The following HSPA12B variants were observed in gnomAD, a reference collection of about 807,000 sequenced individuals.
HSPA12B encodes heat shock 70 kDa protein 12B.
HSPA12B carries 54 observed loss-of-function variants against 69.3 expected under a neutral mutation model. That is an observed-to-expected ratio of 0.78 (90% CI 0.63 to 0.98). The LOEUF is 0.98. Among genes scored for constraint, HSPA12B ranks in the 50% least tolerant of loss-of-function variants. HSPA12B has a pLI of 0.00. For synonymous variants in HSPA12B, 441 were observed against 436.5 expected (o/e 1.01, Z -0.13); for missense variants, 929 against 999.8 (o/e 0.93, Z 0.96).
Position 3,748,313 on chromosome 20 carries a change from C to T in HSPA12B, c.772C>T (p.Leu258Phe). 1.2e-6 allele frequency: 2 copies of T among 1,611,840 alleles called. No individual in the cohort carries two copies. Among genetic ancestry groups the T allele is most frequent in the Non-Finnish European group, 8.5e-7 (1 of 1,179,100 alleles). Residue 258 changes from leucine (L) to phenylalanine (F), a missense_variant, in exon 8 of 13, where the codon CTC (leucine) becomes TTC (phenylalanine). By Grantham distance (22) the Leu-to-Phe change is conservative. Coordinates refer to ENST00000254963, the MANE Select transcript of HSPA12B (RefSeq NM_052970.5). ...CTGCCGCAAGCTGCGCCTGCACCAG[C>T]TCCTGGACCTGAGTGGCCGGGCCCC... ...VYCRKLRLHQ[L>F]LDLSGRAPGG...
chr20:3,734,808 T>C (rs1420892432), intron 1 of HSPA12B, among the ~76,000 whole-genome samples: 2 of 150,214 alleles, frequency 1.3e-5, no homozygotes, highest in African/African-American at 4.9e-5. Flanking sequence ...GGTGTGATCA[T>C]GACTTACTGC....
chr20:3,745,575 TCTTCAGGGAGCACGCC>T lies in HSPA12B; in HGVS notation c.544_558+1del, dbSNP rs1433104793. ...GAGGTGTTCGCCCATGCCCTGCGCT[TCTTCAGGGAGCACGCC>T]CTTCAGGTGCGCTGCGGCCCCACCT... On this transcript the variant is annotated frameshift_variant, in exon 6 of 13. Transcript: ENST00000254963. LOFTEE classifies it high-confidence loss of function. This position sits in a 1 kb window ranked among gnomAD's most constrained non-coding sequence, Gnocchi z 5.6. 1 of 1,613,986 alleles carries T rather than the reference TCTTCAGGGAGCACGCC, an allele frequency of 6.2e-7. No homozygotes were observed. Among genetic ancestry groups the T allele is most frequent in the Non-Finnish European group, 8.5e-7 (1 of 1,179,992 alleles).
chr20:3,751,831 C>T lies in HSPA12B; in HGVS notation c.1726C>T (p.Arg576Cys), dbSNP rs779510421. 3 of 1,535,618 alleles carry T rather than the reference C, an allele frequency of 2.0e-6. No individual in the cohort carries two copies. The highest frequency in any genetic ancestry group is 3.9e-5 in the Admixed American group (2 of 51,366). ...CCGCTGGTGCACCGACGTCTTCGAG[C>T]GCTTCGTGGCCGCCGAGCAGTCGGT... Reference protein sequence around the residue: ...GRRWCTDVFERFVAAEQSVAL... With the variant: ...GRRWCTDVFECFVAAEQSVAL... Residue 576 changes from arginine (R) to cysteine (C), a missense_variant, in exon 13 of 13, where the codon CGC becomes TGC. Arg to Cys is a radical substitution (Grantham distance 180, BLOSUM62 -3). Coordinates refer to ENST00000254963, the MANE Select transcript of HSPA12B (RefSeq NM_052970.5).
Position 3,751,709 on chromosome 20 carries a change from G to C in HSPA12B, c.1604G>C (p.Arg535Pro), listed in dbSNP as rs753944111. ...VLFGQAPGVV[R>P]VRRSPLTYGV... is the part of the protein sequence containing the mutation. ...TTCGGCCAGGCGCCGGGCGTGGTGC[G>C]GGTCCGCCGCTCGCCGCTCACCTAT... Residue 535 changes from arginine (R) to proline (P), a missense_variant, in exon 13 of 13, where the codon CGG becomes CCG. Around this residue, in one of 3 missense-constraint regions of HSPA12B, gnomAD observed 448 missense variants for 448.1 expected, o/e 1.00. Transcript: ENST00000254963. 5.4e-6 allele frequency: 8 copies of C among 1,484,564 alleles called. No homozygotes were observed. Among genetic ancestry groups the C allele is most frequent in the South Asian group, 3.8e-5 (3 of 77,968 alleles). The allele number at this position is 1,484,564 out of a possible 1,614,324, so 92.0% of individuals were successfully genotyped here. A position where few individuals can be genotyped will look rare whatever the true frequency, so the allele number is the denominator to read the frequency against.
In HSPA12B at chr20:3,751,496, CG is replaced by C; in HGVS notation, c.1406-14del. On this transcript the variant is annotated splice_polypyrimidine_tract_variant and intron_variant, in intron 12 of 12. Coordinates refer to ENST00000254963, the MANE Select transcript of HSPA12B (RefSeq NM_052970.5). The stretch of plus-strand genomic sequence containing the variant: ...TCTGCCCCCTTCACCCGCGTCCCCC[CG>C]TCCTGTCCCGCAGAGGCCCTGCTGG... 7.2e-7 allele frequency: 1 copy of C among 1,397,150 alleles called. No individual in the cohort carries two copies. 86.5% of individuals were successfully genotyped at this position (1,397,150 alleles called of 1,614,324 possible).
chr20:3,748,132 C>T, intron 7 of HSPA12B, 85 bp from the exon 8 acceptor site: 1 of 1,228,856 alleles, frequency 8.1e-7, no homozygotes, highest in Non-Finnish European at 1.1e-6. Flanking sequence ...GGGAGCCCCA[C>T]AGGCCGCGGT....
rs748465343 is a variant in HSPA12B, at chr20:3,742,269, G to A, written c.142-15G>A. 2 of 1,613,228 alleles carry A rather than the reference G, an allele frequency of 1.2e-6. No homozygotes were observed. The highest frequency in any genetic ancestry group is 2.2e-5 in the South Asian group (2 of 91,028). On this transcript the variant is annotated splice_polypyrimidine_tract_variant and intron_variant, in intron 3 of 12. Coordinates refer to ENST00000254963, the MANE Select transcript of HSPA12B (RefSeq NM_052970.5). ...CCTGCTGGCTGCTTGCTAATTCTAA[G>A]TCTTGCACTTGCAGAAACCCGAGGT...
rs2088346094 is a variant in HSPA12B, at chr20:3,748,346, G to A, written c.805G>A (p.Gly269Arg). ...CCTGAGTGGCCGGGCCCCAGGTGGT[G>A]GGCGCCTGGGTGAGCGCCGCTCCAT... ...LDLSGRAPGG[G>R]RLGERRSIDS... Residue 269 changes from glycine to arginine, a missense_variant, in exon 8 of 13, where the codon GGG becomes AGG. Coordinates refer to ENST00000254963, the MANE Select transcript of HSPA12B (RefSeq NM_052970.5). 1.2e-6 allele frequency: 2 copies of A among 1,609,338 alleles called. No individual in the cohort carries two copies. Among genetic ancestry groups the A allele is most frequent in the Non-Finnish European group, 1.7e-6 (2 of 1,178,146 alleles).
intron 11 of HSPA12B, 128 bp downstream of exon 11, chr20:3,750,355 AG>A (rs927117863): frequency 9.4e-7 from 1 of 1,059,728 alleles, no homozygotes; most frequent in East Asian, 2.7e-5. Context: ...CTAAGCCAGC[AG>A]GGCGTCGGGG....
At chr20:3,746,301 CTTTTTTTTT>C (rs11473544) in intron 7 of HSPA12B, among the ~76,000 whole-genome samples, 1 of 89,244 alleles carries the variant, frequency 1.1e-5, no homozygotes, top group African/African-American at 4.4e-5. Flanking sequence ...GATGGAGAGT[CTTTTTTTTT>C]TTTTTTTTTT....
At chr20:3,741,698 G>A (rs2088205535) in intron 3 of HSPA12B, among the ~76,000 whole-genome samples, 1 of 152,078 alleles carries the variant, frequency 6.6e-6, no homozygotes, top group South Asian at 2.1e-4. Flanking sequence ...AAGCTCCCTG[G>A]GTCACCCCAC....
chr20:3,738,332 G>A (rs1013472328), intron 1 of HSPA12B, among the ~76,000 whole-genome samples: 1 of 152,210 alleles, frequency 6.6e-6, no homozygotes, highest in Non-Finnish European at 1.5e-5. Context: ...CACAGAGCAG[G>A]CACCAGAAAA....
chr20:3,741,838 C>T (rs892619586), intron 3 of HSPA12B, among the ~76,000 whole-genome samples: 3 of 152,218 alleles, frequency 2.0e-5, no homozygotes, highest in African/African-American at 7.2e-5. Flanking sequence ...GCCACAGAAT[C>T]AGACAGTCTG....
intron 1 of HSPA12B, among the ~76,000 whole-genome samples, chr20:3,734,797 T>C (rs770946213): frequency 2.7e-5 from 4 of 148,214 alleles, no homozygotes; most frequent in African/African-American, 5.0e-5. Context: ...TGGAGTGCAG[T>C]GGTGTGATCA....
Position 3,749,733 on chromosome 20 carries a change from C to T in HSPA12B, c.938-17C>T, listed in dbSNP as rs374468553. The T allele has an allele frequency of 6.9e-5, 107 of 1,549,070 alleles. No homozygotes were observed. The highest frequency in any genetic ancestry group is 8.5e-5 in the Non-Finnish European group (98 of 1,149,138). On this transcript the variant is annotated splice_polypyrimidine_tract_variant and intron_variant, in intron 9 of 12. Transcript: ENST00000254963. This position sits in a 1 kb window ranked among gnomAD's most constrained non-coding sequence, Gnocchi z 5.5. ...GCGAGGCCGCCCACGAGTGTGTGCC[C>T]GCGCTCGCCGCCGCAGGAGACCGCT...
chr20:3,742,763 T>G (rs1171085819), intron 4 of HSPA12B, among the ~76,000 whole-genome samples: 1 of 151,684 alleles, frequency 6.6e-6, no homozygotes, highest in Non-Finnish European at 1.5e-5. Flanking sequence ...AAAGGCACGA[T>G]CTTAGCTCAT....
Position 3,749,337 on chromosome 20 carries a change from G to C in HSPA12B, c.937+19G>C. On this transcript the variant is annotated intron_variant, in intron 9 of 12. Coordinates refer to ENST00000254963, the MANE Select transcript of HSPA12B (RefSeq NM_052970.5). The surrounding 1 kb of genome is among the most constrained non-coding windows in gnomAD (Gnocchi z 5.5). ...CAAGCAGGTAGGGGGAAAGGGGGAC[G>C]GAGTGTTATCCTTGGCCCCTACCGG... 1 of 1,604,066 alleles carries C rather than the reference G, an allele frequency of 6.2e-7. No individual in the cohort carries two copies. The highest frequency in any genetic ancestry group is 1.1e-5 in the South Asian group (1 of 90,284).
chr20:3,747,307 G>A (rs2088323936), intron 7 of HSPA12B, among the ~76,000 whole-genome samples: 1 of 152,188 alleles, frequency 6.6e-6, no homozygotes, highest in South Asian at 2.1e-4. Context: ...GGCCAGGTCT[G>A]TAAATGTCTA....
rs1351884173 is a variant in HSPA12B at position 3,748,243 on chromosome 20, A to T, written c.702A>T (p.Ala234=). Residue 234 remains alanine, a synonymous_variant, in exon 8 of 13, where the codon GCA becomes GCT. Transcript: ENST00000254963. ...YLAGLVSREN[A]EQLLIALEPE... Reference sequence around the variant, plus strand: ...CTGGACTAGTGTCCCGAGAGAATGCAGAGCAGCTACTCATCGCCCTGGAGC... The same window carrying T: ...CTGGACTAGTGTCCCGAGAGAATGCTGAGCAGCTACTCATCGCCCTGGAGC... The T allele has an allele frequency of 6.3e-7, 1 of 1,590,848 alleles. No individual in the cohort carries two copies. Among genetic ancestry groups the T allele is most frequent in the Non-Finnish European group, 8.6e-7 (1 of 1,167,114 alleles).
Sources: allele counts gnomAD v4.1 joint callset (sites outside exome capture counted in the v4.1 genomes callset), GRCh38; gene constraint gnomAD v4.1.1; regional missense constraint gnomAD v4.1.1; non-coding constraint Gnocchi (gnomAD v3.1); transcripts MANE v1.5; gene names NCBI Gene and HGNC (gene_info 2026-07-23, HGNC 2026-07-21).